MYZAP: variants seen among roughly 807,000 people sequenced by gnomAD.
The protein encoded by MYZAP is GRINL1A complex locus upstream.
Under a neutral mutation model 69.4 loss-of-function variants are expected in MYZAP, and 66 were observed. That is an observed-to-expected ratio of 0.95 (90% CI 0.78 to 1.17). The LOEUF (loss-of-function observed/expected upper bound fraction) is 1.17, where lower values mean the gene tolerates loss of function less well. Among genes scored for constraint, MYZAP ranks in the 50% most tolerant of loss-of-function variants. The probability of loss-of-function intolerance (pLI) is 0.00; values close to 1 mark genes in which losing one functional copy is unlikely to be tolerated. For synonymous variants in MYZAP, 256 were observed against 205.9 expected (o/e 1.24, Z -2.09); for missense variants, 611 against 556.2 (o/e 1.10, Z -0.99).
chr15:57,606,088 A>G (rs1472767057), intron 2 of MYZAP, among the ~76,000 whole-genome samples: 2 of 152,186 alleles, frequency 1.3e-5, no homozygotes, highest in African/African-American at 2.4e-5. Flanking sequence ...ATACTCATCA[A>G]TAGATGCAAA....
chr15:57,617,957 A>AGT (rs2035578011), intron 2 of MYZAP, 76 bp from the exon 3 acceptor site: 2 of 1,527,474 alleles, frequency 1.3e-6, no homozygotes, highest in Non-Finnish European at 1.8e-6. Flanking sequence ...AATCATACAC[A>AGT]GTGGGCCCGT....
At position 57,656,126 on chromosome 15, in the gene MYZAP, T is replaced by G. The variant is rs191912774; in HGVS notation, c.1120-5324T>G. Reference sequence around the variant, plus strand: ...TAATGGATTTCTTGCATACCAGCTATATGGTAACCTGGATTTTGGAGTAGC... The same window carrying G: ...TAATGGATTTCTTGCATACCAGCTAGATGGTAACCTGGATTTTGGAGTAGC... On this transcript the variant is annotated intron_variant, in intron 10 of 12. Transcript: ENST00000267853. Among the ~76,000 whole-genome samples the G allele has an allele frequency of 2.0e-5, 3 of 152,334 alleles. No individual in the cohort carries two copies. In the East Asian group the frequency reaches 5.8e-4, roughly 29 times the overall value.
chr15:57,660,763 C>A (rs1213937908), intron 10 of MYZAP, among the ~76,000 whole-genome samples: 2 of 152,144 alleles, frequency 1.3e-5, no homozygotes, highest in African/African-American at 4.8e-5. Flanking sequence ...TTCCTGCCTT[C>A]AGGGAAGCTA....
In MYZAP at chr15:57,632,571, G is replaced by A. The variant is rs777426927; in HGVS notation, c.804+12G>A. Reference sequence around the variant, plus strand: ...AGGAGGCTCTTTTGGTGTGTGTGTTGTAGCTGCCGATGTAAACTTACCGGG... The same window carrying A: ...AGGAGGCTCTTTTGGTGTGTGTGTTATAGCTGCCGATGTAAACTTACCGGG... On this transcript the variant is annotated intron_variant, in intron 7 of 12. Transcript: ENST00000267853. The A allele has an allele frequency of 6.2e-6, 10 of 1,613,592 alleles. No homozygotes were observed. Among genetic ancestry groups the A allele is most frequent in the Non-Finnish European group, 8.5e-6 (10 of 1,179,868 alleles).
At chr15:57,662,868 A>G (rs2038380101) in intron 11 of MYZAP, among the ~76,000 whole-genome samples, 1 of 152,192 alleles carries the variant, frequency 6.6e-6, no homozygotes, top group African/African-American at 2.4e-5. Context: ...TACAGCAGTC[A>G]TAACCAGAAG....
chr15:57,675,041 T>G lies in MYZAP; in HGVS notation c.1277T>G (p.Ile426Arg). The G allele has an allele frequency of 1.9e-6, 3 of 1,613,462 alleles. No homozygotes were observed. The highest frequency in any genetic ancestry group is 2.2e-5 in the South Asian group (2 of 91,038). ...AAGACCGAAGTGGAAACCAGAGAGATAGGAGTGGGCTGTGATCTTCTACCC... is the reference window on the plus strand; with the variant it reads ...AAGACCGAAGTGGAAACCAGAGAGAGAGGAGTGGGCTGTGATCTTCTACCC... Reference protein sequence around the residue: ...QAKTEVETREIGVGCDLLPSQ... With the variant: ...QAKTEVETRERGVGCDLLPSQ... The change falls in exon 12 of 13, where the codon ATA becomes AGA. Residue 426 changes from isoleucine (I) to arginine (R), a missense_variant. Physicochemically the swap from Ile to Arg is moderately conservative, Grantham distance 97. Coordinates refer to ENST00000267853, the MANE Select transcript of MYZAP (RefSeq NM_001018100.5).
chr15:57,636,935 G>C (rs1458524320), intron 8 of MYZAP, among the ~76,000 whole-genome samples: 2 of 152,172 alleles, frequency 1.3e-5, no homozygotes, highest in Non-Finnish European at 2.9e-5. Context: ...GGCAGAGCTG[G>C]ATTCCTTTTG....
intron 10 of MYZAP, among the ~76,000 whole-genome samples, chr15:57,657,957 G>A (rs1037310352): frequency 2.0e-5 from 3 of 152,162 alleles, no homozygotes; most frequent in Admixed American, 2.0e-4. Flanking sequence ...GTAGTCAAGG[G>A]TAACCATTGC....
At chr15:57,659,487 A>G (rs1200579191) in intron 10 of MYZAP, among the ~76,000 whole-genome samples, 2 of 152,188 alleles carry the variant, frequency 1.3e-5, no homozygotes, top group African/African-American at 4.8e-5. Flanking sequence ...TCACACTTGT[A>G]TTGCTTTCTC....
At chr15:57,625,237 C>G (rs1177422443) in intron 4 of MYZAP, among the ~76,000 whole-genome samples, 1 of 152,050 alleles carries the variant, frequency 6.6e-6, no homozygotes, top group African/African-American at 2.4e-5. Context: ...CCATGCCTGG[C>G]TAATTTTTGT....
chr15:57,645,060 G>A (rs1260008333), intron 10 of MYZAP, among the ~76,000 whole-genome samples: 7 of 152,168 alleles, frequency 4.6e-5, no homozygotes, highest in Non-Finnish European at 5.9e-5. Context: ...TACAGAAGAC[G>A]TTACACTTGG....
intron 2 of MYZAP, among the ~76,000 whole-genome samples, chr15:57,607,279 A>G (rs1669950144): frequency 6.6e-6 from 1 of 152,142 alleles, no homozygotes; most frequent in Admixed American, 6.5e-5. Flanking sequence ...CTGAGTGCCA[A>G]AACTGGGGTG....
intron 10 of MYZAP, among the ~76,000 whole-genome samples, chr15:57,660,005 C>T (rs562997385): frequency 5.5e-4 from 83 of 152,232 alleles, no homozygotes; most frequent in African/African-American, 1.8e-3. Flanking sequence ...TACATCAAAG[C>T]GAGTATACTG....
intron 1 of MYZAP, among the ~76,000 whole-genome samples, chr15:57,596,289 G>A (rs2140311526): frequency 6.6e-6 from 1 of 152,286 alleles, no homozygotes; most frequent in South Asian, 2.1e-4. Flanking sequence ...CCTGGAGGCT[G>A]GTGTCACTAA....
chr15:57,610,847 C>T (rs780427042), intron 2 of MYZAP, among the ~76,000 whole-genome samples: 17 of 152,110 alleles, frequency 1.1e-4, no homozygotes, highest in Admixed American at 2.6e-4. Context: ...CTATACAACT[C>T]TTTTCCATTT....
intron 1 of MYZAP, among the ~76,000 whole-genome samples, chr15:57,596,517 C>T (rs1393487129): frequency 6.6e-6 from 1 of 152,172 alleles, no homozygotes; most frequent in East Asian, 1.9e-4. Flanking sequence ...TACCTCTTTC[C>T]CTCTTTGGTG....
chr15:57,607,735 T>G (rs1186579813), intron 2 of MYZAP, among the ~76,000 whole-genome samples: 1 of 151,740 alleles, frequency 6.6e-6, no homozygotes, highest in Non-Finnish European at 1.5e-5. Flanking sequence ...AGAACTGGGG[T>G]AGAGGGGAGG....
intron 4 of MYZAP, among the ~76,000 whole-genome samples, chr15:57,621,952 A>G (rs2035845701): frequency 6.6e-6 from 1 of 152,350 alleles, no homozygotes; most frequent in African/African-American, 2.4e-5. Context: ...GAAGCCAGCT[A>G]TCACTATTAT....
chr15:57,591,943 C>G lies in MYZAP; in HGVS notation c.-92C>G, dbSNP rs1180450853. 8.5e-7 allele frequency: 1 copy of G among 1,181,422 alleles called. No homozygotes were observed. Among genetic ancestry groups the G allele is most frequent in the Non-Finnish European group, 1.1e-6 (1 of 941,574 alleles). The allele number at this position is 1,181,422 out of a possible 1,614,324, so 73.2% of individuals were successfully genotyped here. On this transcript the variant is annotated 5_prime_UTR_variant, in exon 1 of 13. Coordinates refer to ENST00000267853, the MANE Select transcript of MYZAP (RefSeq NM_001018100.5). ...TGAGGCTGCAAGTAGCCGGCGCCGT[C>G]CCGCGTCGCCCCCGCGCAGGGCGGG...
Sources: gnomAD v4.1 joint callset for allele counts (sites outside exome capture counted in the v4.1 genomes callset) on GRCh38, gnomAD v4.1.1 for gene constraint, MANE v1.5 for transcripts, NCBI Gene and HGNC (gene_info 2026-07-23, HGNC 2026-07-21) for gene names.